PPARGC1A: variants seen among roughly 807,000 people sequenced by gnomAD.
PPARGC1A encodes the protein PPARG coactivator 1 alpha.
In PPARGC1A, 25 loss-of-function variants were observed where a neutral mutation model predicts 88.7. That is an observed-to-expected ratio of 0.28 (90% CI 0.21 to 0.39). The LOEUF is 0.39. Ranked by LOEUF, PPARGC1A falls within the 10% of genes least tolerant of loss-of-function variation. PPARGC1A has a pLI of 1.00. For synonymous variants in PPARGC1A, 363 were observed against 355.6 expected (o/e 1.02, Z -0.24); for missense variants, 880 against 968.7 (o/e 0.91, Z 1.22).
intron 2 of PPARGC1A, among the ~76,000 whole-genome samples, chr4:23,847,501 A>G (rs114334149): frequency 1.7e-3 from 252 of 152,326 alleles, no homozygotes; most frequent in African/African-American, 5.9e-3. Flanking sequence ...AAGTCTTATT[A>G]CAATGACTAC....
At chr4:23,975,717 C>T in the PPARGC1A span, among the ~76,000 whole-genome samples, 1 of 152,174 alleles carries the variant, frequency 6.6e-6, no homozygotes, top group Admixed American at 6.5e-5. Flanking sequence ...CATGCTCAGC[C>T]AAACTAGGCT....
the PPARGC1A span, among the ~76,000 whole-genome samples, chr4:23,934,366 G>A: frequency 6.6e-6 from 1 of 152,234 alleles, no homozygotes; most frequent in Admixed American, 6.5e-5. Context: ...ATGTTCAGCA[G>A]CGACACTGTG....
At chr4:24,127,586 T>C in the PPARGC1A span, among the ~76,000 whole-genome samples, 13 of 152,058 alleles carry the variant, frequency 8.5e-5, no homozygotes, top group South Asian at 2.3e-3. Flanking sequence ...GACACTGTAT[T>C]ATATATAGAG....
At position 23,792,326 on chromosome 4, in the gene PPARGC1A, A is replaced by G. The variant is rs992399192; in HGVS notation, c.*3496T>C. On this transcript the variant is annotated 3_prime_UTR_variant, in exon 13 of 13. Coordinates refer to ENST00000264867, the MANE Select transcript of PPARGC1A (RefSeq NM_013261.5). Reference sequence around the variant, plus strand: ...ATTTAGAATCATCACATTATAGTACATGGCTATTCTAGGTCATCTATAGAT... The same window carrying G: ...ATTTAGAATCATCACATTATAGTACGTGGCTATTCTAGGTCATCTATAGAT... The G allele has an allele frequency of 6.6e-6, 1 of 152,596 alleles. No individual in the cohort carries two copies. Among genetic ancestry groups the G allele is most frequent in the African/African-American group, 2.4e-5 (1 of 41,448 alleles). The allele number at this position is 152,596 out of a possible 1,614,324, so 9.5% of individuals were successfully genotyped here. A position where few individuals can be genotyped will look rare whatever the true frequency, so the allele number is the denominator to read the frequency against.
chr4:24,320,906 C>A, the PPARGC1A span, among the ~76,000 whole-genome samples: 1 of 152,162 alleles, frequency 6.6e-6, no homozygotes, highest in East Asian at 1.9e-4. Flanking sequence ...GAAAGCCTGC[C>A]CTTACGGTCC....
At chr4:24,156,138 T>G in the PPARGC1A span, among the ~76,000 whole-genome samples, 13 of 152,310 alleles carry the variant, frequency 8.5e-5, no homozygotes, top group South Asian at 2.5e-3. Context: ...TTAAACAACT[T>G]GTTCAAATCA....
At chr4:24,274,079 A>T in the PPARGC1A span, among the ~76,000 whole-genome samples, 1 of 151,974 alleles carries the variant, frequency 6.6e-6, no homozygotes, top group Non-Finnish European at 1.5e-5. Context: ...CAACTTCTTG[A>T]TAATCAGATA....
At chr4:24,305,459 TAGTC>T in the PPARGC1A span, among the ~76,000 whole-genome samples, 3 of 152,284 alleles carry the variant, frequency 2.0e-5, no homozygotes, top group Admixed American at 2.0e-4. Context: ...TGCAAAGTGT[TAGTC>T]AGAACTGTAA....
chr4:24,129,237 A>T, the PPARGC1A span, among the ~76,000 whole-genome samples: 30 of 152,160 alleles, frequency 2.0e-4, no homozygotes, highest in Non-Finnish European at 5.9e-5. Flanking sequence ...TCAATTCTTC[A>T]TCCATCCACT....
At chr4:23,947,121 C>T in the PPARGC1A span, among the ~76,000 whole-genome samples, 5 of 151,766 alleles carry the variant, frequency 3.3e-5, no homozygotes, top group African/African-American at 7.3e-5. Flanking sequence ...TAACTGGGAG[C>T]AATCACCTCA....
the PPARGC1A span, among the ~76,000 whole-genome samples, chr4:24,366,648 A>G: frequency 6.6e-6 from 1 of 152,198 alleles, no homozygotes; most frequent in Non-Finnish European, 1.5e-5. Flanking sequence ...CTACCCAAAC[A>G]GATGCTACTC....
chr4:24,230,059 G>A, the PPARGC1A span, among the ~76,000 whole-genome samples: 2 of 152,084 alleles, frequency 1.3e-5, no homozygotes, highest in Non-Finnish European at 2.9e-5. Flanking sequence ...CTGCTCCATT[G>A]TGGTTCTAAC....
At chr4:24,072,128 A>T in the PPARGC1A span, among the ~76,000 whole-genome samples, 1 of 147,360 alleles carries the variant, frequency 6.8e-6, no homozygotes, top group East Asian at 1.9e-4. Context: ...ATATATATAT[A>T]TTTATAATTT....
At chr4:23,842,670 T>C (rs1338494021) in intron 2 of PPARGC1A, among the ~76,000 whole-genome samples, 2 of 152,086 alleles carry the variant, frequency 1.3e-5, no homozygotes, top group African/African-American at 4.8e-5. Context: ...CCTCCAGTTA[T>C]GACTACCAAA....
the PPARGC1A span, among the ~76,000 whole-genome samples, chr4:24,146,925 T>C: frequency 5.3e-5 from 8 of 152,206 alleles, no homozygotes; most frequent in Admixed American, 3.3e-4. Context: ...CTCCCCTCTG[T>C]AGAATGTAAG....
the PPARGC1A span, among the ~76,000 whole-genome samples, chr4:24,025,852 G>C: frequency 5.3e-5 from 8 of 152,210 alleles, no homozygotes; most frequent in South Asian, 1.5e-3. Flanking sequence ...AATGGGGAAA[G>C]GAGGAGGAGG....
At chr4:24,128,495 G>A in the PPARGC1A span, among the ~76,000 whole-genome samples, 2 of 151,418 alleles carry the variant, frequency 1.3e-5, no homozygotes, top group African/African-American at 4.9e-5. Flanking sequence ...GCTGATGTCA[G>A]CTCCCAGGGC....
At chr4:24,220,096 A>T in the PPARGC1A span, among the ~76,000 whole-genome samples, 1 of 152,230 alleles carries the variant, frequency 6.6e-6, no homozygotes, top group African/African-American at 2.4e-5. Flanking sequence ...AAGAAGACAT[A>T]CGAGCAGCCA....
the PPARGC1A span, among the ~76,000 whole-genome samples, chr4:24,001,973 G>A: frequency 6.6e-6 from 1 of 151,970 alleles, no homozygotes; most frequent in Non-Finnish European, 1.5e-5. Flanking sequence ...CCAAGAAATG[G>A]GGGAAGGGCA....
Sources: gnomAD v4.1 joint callset for allele counts (sites outside exome capture counted in the v4.1 genomes callset) on GRCh38, gnomAD v4.1.1 for gene constraint, MANE v1.5 for transcripts, NCBI Gene and HGNC (gene_info 2026-07-23, HGNC 2026-07-21) for gene names.